The following FLCN variants were observed in gnomAD, a reference collection of about 807,000 sequenced individuals.
The protein encoded by FLCN is folliculin.
FLCN carries 22 observed loss-of-function variants against 62.5 expected under a neutral mutation model. The ratio of observed to expected loss-of-function variants is 0.35; its 90% confidence interval spans 0.25 to 0.50. The LOEUF (loss-of-function observed/expected upper bound fraction) is 0.50. Ranked by LOEUF, FLCN falls within the 20% of genes least tolerant of loss-of-function variation. The pLI is 0.97. For missense variants in FLCN, 657 were observed against 778.0 expected (o/e 0.84, Z 1.85); for synonymous variants, 319 against 310.0 (o/e 1.03, Z -0.30).
chr17:17,234,357 G>A (rs1044871057), intron 1 of FLCN, among the ~76,000 whole-genome samples: 10 of 151,120 alleles, frequency 6.6e-5, no homozygotes, highest in African/African-American at 2.2e-4. Flanking sequence ...AATTATGGCC[G>A]TGCGCCACCA....
rs373504780 is a variant in FLCN, at chr17:17,222,492, G to A, written c.779+9C>T. 98 of 1,614,046 alleles carry A rather than the reference G, an allele frequency of 6.1e-5. No individual in the cohort carries two copies. In the Admixed American group the frequency reaches 1.0e-3, roughly 16 times the overall value. On this transcript the variant is annotated intron_variant, in intron 7 of 13. Transcript: ENST00000285071. ...TAACAGATATGCCAAAAGCAGAGAC[G>A]CCCGTTACCAGGCAAAGGAGGTGTG...
chr17:17,236,319 G>A (rs2047580148), intron 1 of FLCN, among the ~76,000 whole-genome samples: 1 of 152,190 alleles, frequency 6.6e-6, no homozygotes, highest in Admixed American at 6.5e-5. Context: ...AAGGGCAAAC[G>A]CAGTGTCACC....
chr17:17,228,319 C>A (rs2047322236), intron 3 of FLCN, 158 bp from the exon 4 acceptor site: 2 of 831,402 alleles, frequency 2.4e-6, no homozygotes, highest in Non-Finnish European at 3.7e-6. Context: ...CACTGCTTTG[C>A]CCCAGTGCGA....
chr17:17,231,210 G>T (rs1249248646), intron 3 of FLCN, among the ~76,000 whole-genome samples: 1 of 152,098 alleles, frequency 6.6e-6, no homozygotes, highest in African/African-American at 2.4e-5. Flanking sequence ...AATAAATAAT[G>T]AATTAATTAA....
At chr17:17,226,357 G>A in intron 4 of FLCN, 35 bp from the exon 5 acceptor site, 1 of 1,613,588 alleles carries the variant, frequency 6.2e-7, no homozygotes, top group Non-Finnish European at 8.5e-7. Flanking sequence ...TCTGTTAGTT[G>A]GGAAGCAGGG....
chr17:17,217,671 CT>C (rs2046967567), intron 9 of FLCN: 1 of 285,462 alleles, frequency 3.5e-6, no homozygotes, highest in African/African-American at 2.2e-5. Context: ...GGCTGCTGTT[CT>C]TTGGATCCAG....
intron 4 of FLCN, 142 bp from the exon 5 acceptor site, chr17:17,226,464 G>A: frequency 9.9e-7 from 1 of 1,010,224 alleles, no homozygotes; most frequent in Non-Finnish European, 1.5e-6. Context: ...CTTATCTGAA[G>A]ATTTAAATGT....
chr17:17,227,723 A>G (rs1431300420), intron 4 of FLCN, among the ~76,000 whole-genome samples, 166 bp downstream of exon 4: 4 of 150,576 alleles, frequency 2.7e-5, no homozygotes, highest in African/African-American at 9.7e-5. Context: ...AAAAAAACAA[A>G]ACAAAACAAA....
At chr17:17,223,862 C>T in intron 6 of FLCN, 60 bp downstream of exon 6, 1 of 1,574,288 alleles carries the variant, frequency 6.4e-7, no homozygotes, top group African/African-American at 1.3e-5. Context: ...AACCTCAGCA[C>T]AGAGCGGCTC....
Position 17,216,438 on chromosome 17 carries a change from C to A in FLCN, c.1242G>T (p.Arg414=), listed in dbSNP as rs376836624. 3 of 1,613,760 alleles carry A rather than the reference C, an allele frequency of 1.9e-6. No individual in the cohort carries two copies. The African/African-American group carries it at 4.0e-5, about 22-fold the overall frequency. ...GCGGGCTGAGCCCCAGGAAGTTGCA[C>A]CGATAGGCCTCCTCGTACTGGCTGC... ...PYSSQYEEAY[R]CNFLGLSPHV... is the part of the protein sequence containing the mutation. Residue 414 remains arginine (R), a synonymous_variant, in exon 11 of 14, where the codon CGG becomes CGT. Coordinates refer to ENST00000285071, the MANE Select transcript of FLCN (RefSeq NM_144997.7). This position sits in a 1 kb window ranked among gnomAD's most constrained non-coding sequence, Gnocchi z 4.0.
At chr17:17,219,544 A>G (rs928305318) in intron 8 of FLCN, 1 of 235,548 alleles carries the variant, frequency 4.2e-6, no homozygotes, top group Non-Finnish European at 8.3e-6. Context: ...GAGGATCTAC[A>G]CGTTGTTTCT....
chr17:17,232,008 G>A (rs1216394235), intron 2 of FLCN, 126 bp from the exon 3 acceptor site: 1 of 153,064 alleles, frequency 6.5e-6, no homozygotes, highest in East Asian at 1.9e-4. Context: ...TGGAGGGCTA[G>A]TGCTCTGTAG....
chr17:17,223,906 T>C lies in FLCN; in HGVS notation c.618+16A>G, dbSNP rs2047169652. The C allele has an allele frequency of 6.2e-7, 1 of 1,612,948 alleles. No individual in the cohort carries two copies. Among genetic ancestry groups the C allele is most frequent in the African/African-American group, 1.3e-5 (1 of 74,946 alleles). ...CAGGGCCCCCTGCCGCCCCGGCACC[T>C]CATCTCTGAATTCACCTTGAGCGCC... On this transcript the variant is annotated intron_variant, in intron 6 of 13. Transcript: ENST00000285071.
chr17:17,226,900 G>A (rs1222465878), intron 4 of FLCN, among the ~76,000 whole-genome samples: 20 of 152,172 alleles, frequency 1.3e-4, no homozygotes, highest in Admixed American at 7.2e-4. Context: ...GAGGCTGTGC[G>A]CCCTGGAGCT....
chr17:17,224,597 G>A (rs575397234), intron 5 of FLCN: 2 of 282,732 alleles, frequency 7.1e-6, no homozygotes, highest in African/African-American at 4.4e-5. Context: ...ATGCAGTGGT[G>A]TGATCCTGGC....
chr17:17,223,596 G>A (rs2047159027), intron 6 of FLCN, among the ~76,000 whole-genome samples: 1 of 152,244 alleles, frequency 6.6e-6, no homozygotes, highest in Non-Finnish European at 1.5e-5. Flanking sequence ...CCTACATTCG[G>A]TGGTGCAACT....
chr17:17,223,975 G>A lies in FLCN; in HGVS notation c.565C>T (p.Leu189=), dbSNP rs781433539. The A allele has an allele frequency of 3.1e-6, 5 of 1,613,488 alleles. No homozygotes were observed. Among genetic ancestry groups the A allele is most frequent in the Non-Finnish European group, 4.2e-6 (5 of 1,180,044 alleles). ...ATGATTCCCCGGACCTTCCCCAGCA[G>A]GAAGGGCCAGGAGTTGATGAGGTAG... ...RIYLINSWPF[L]LGKVRGIIDE... Residue 189 remains leucine (L), a synonymous_variant, in exon 6 of 14, where the codon CTG becomes TTG. Transcript: ENST00000285071.
At chr17:17,223,478 C>T (rs1736220) in intron 6 of FLCN, among the ~76,000 whole-genome samples, 89,757 of 152,150 alleles carry the variant, frequency 0.59, 26,995 homozygotes, top group East Asian at 0.84. Flanking sequence ...AATGCACACA[C>T]CATGAGTAAG....
At chr17:17,217,926 G>A (rs1439537253) in intron 9 of FLCN, among the ~76,000 whole-genome samples, 1 of 152,118 alleles carries the variant, frequency 6.6e-6, no homozygotes, top group Non-Finnish European at 1.5e-5. Context: ...ACCTCCAGAG[G>A]AATTCCAGAC....
Sources: gnomAD v4.1 joint callset for allele counts (sites outside exome capture counted in the v4.1 genomes callset) on GRCh38, gnomAD v4.1.1 for gene constraint, Gnocchi (gnomAD v3.1) non-coding constraint, MANE v1.5 for transcripts, NCBI Gene and HGNC (gene_info 2026-07-23, HGNC 2026-07-21) for gene names.